The following ACSM2B variants were observed in gnomAD, a reference collection of about 807,000 sequenced individuals.
The protein encoded by ACSM2B is acyl-CoA synthetase medium chain family member 2B.
Under a neutral mutation model 78.6 loss-of-function variants are expected in ACSM2B, and 58 were observed. The observed-to-expected ratio is 0.74, with a 90% CI of 0.60 to 0.92. ACSM2B has a LOEUF of 0.92. ACSM2B is among the 40% of genes least tolerant of loss of function. The pLI, the probability that ACSM2B is intolerant of heterozygous loss-of-function variation, is 0.00. For missense variants in ACSM2B, 688 were observed against 711.2 expected, an observed-to-expected ratio of 0.97 and a Z score of 0.37; for synonymous variants, 257 against 256.8, an observed-to-expected ratio of 1.00 and a Z score of -0.01.
chr16:20,556,668 C>A (rs2015484160), intron 3 of ACSM2B, among the ~76,000 whole-genome samples: 1 of 152,162 alleles, frequency 6.6e-6, no homozygotes, highest in Non-Finnish European at 1.5e-5. Flanking sequence ...GAAGCTTAAA[C>A]CACATGCCCG....
At chr16:20,571,599 T>TACAGTTTGG (rs1476456765) in intron 1 of ACSM2B, among the ~76,000 whole-genome samples, 4 of 148,508 alleles carry the variant, frequency 2.7e-5, no homozygotes, top group Non-Finnish European at 4.5e-5. Flanking sequence ...TGTTTTACGG[T>TACAGTTTGG]ACAGTTTAAA....
At chr16:20,554,133 C>A in intron 4 of ACSM2B, 2 of 736,470 alleles carry the variant, frequency 2.7e-6, no homozygotes, top group Non-Finnish European at 4.8e-6. Flanking sequence ...GTTATCAATG[C>A]AACCTTAAAC....
At position 20,536,839 on chromosome 16, in the gene ACSM2B, T is replaced by C. The variant is rs2014855923; in HGVS notation, c.*419A>G. The C allele has an allele frequency of 6.5e-6, 1 of 154,686 alleles. No homozygotes were observed. Among genetic ancestry groups the C allele is most frequent in the South Asian group, 2.1e-4 (1 of 4,856 alleles). 9.6% of individuals were successfully genotyped at this position (154,686 alleles called of 1,614,324 possible). A position where few individuals can be genotyped will look rare whatever the true frequency, so the allele number is the denominator to read the frequency against. On this transcript the variant is annotated 3_prime_UTR_variant, in exon 14 of 14. Transcript: ENST00000329697. ...GCTCTTTCTTCTTTCTCTTTCTCTC[T>C]TTATTTCTTTCCTTTCTTCTCTTTA...
intron 13 of ACSM2B, among the ~76,000 whole-genome samples, chr16:20,539,931 G>A (rs935831563): frequency 3.3e-5 from 5 of 152,206 alleles, no homozygotes; most frequent in African/African-American, 1.2e-4. Flanking sequence ...CCTGGGACTA[G>A]CCATAATGAA....
At chr16:20,560,012 AATACAC>A in intron 2 of ACSM2B, among the ~76,000 whole-genome samples, 1 of 151,026 alleles carries the variant, frequency 6.6e-6, no homozygotes, top group Non-Finnish European at 1.5e-5. Flanking sequence ...TTGTGGTAAA[AATACAC>A]ATAACATTTC....
At chr16:20,574,696 G>A (rs1040479091) in intron 1 of ACSM2B, 8 of 146,840 alleles carry the variant, frequency 5.4e-5, no homozygotes, top group African/African-American at 2.2e-4. Context: ...TGGCGAGGCT[G>A]TGCATGGTGA....
chr16:20,540,947 T>G (rs1197140771), intron 12 of ACSM2B, 174 bp from the exon 13 acceptor site: 5 of 996,562 alleles, frequency 5.0e-6, no homozygotes, highest in Non-Finnish European at 6.9e-6. Context: ...GTTCCAGCTC[T>G]CTCTGAAGTC....
intron 8 of ACSM2B, chr16:20,547,141 C>G (rs1430862564): frequency 2.9e-6 from 3 of 1,022,042 alleles, no homozygotes; most frequent in Admixed American, 8.5e-5. Context: ...TTCCCGCCAC[C>G]CACTGTGCTG....
chr16:20,564,880 A>G (rs749395674), intron 1 of ACSM2B, 27 bp from the exon 2 acceptor site: 370 of 1,581,084 alleles, frequency 2.3e-4, no homozygotes, highest in Middle Eastern at 1.4e-3. Flanking sequence ...AGACACAGGT[A>G]AGAGCTTCTT....
intron 6 of ACSM2B, among the ~76,000 whole-genome samples, 197 bp downstream of exon 6, chr16:20,551,947 T>C (rs140317284): frequency 1.3e-5 from 2 of 152,244 alleles, no homozygotes; most frequent in African/African-American, 2.4e-5. Flanking sequence ...CTTTTATCTA[T>C]ATATGTGCCT....
In ACSM2B at chr16:20,536,872, G is replaced by A. The variant is rs1319963736; in HGVS notation, c.*386C>T. The A allele has an allele frequency of 6.5e-6, 1 of 153,952 alleles. No homozygotes were observed. The allele number at this position is 153,952 out of a possible 1,614,324, so 9.5% of individuals were successfully genotyped here. A position where few individuals can be genotyped will look rare whatever the true frequency, so the allele number is the denominator to read the frequency against. ...TTTCCTTTCTTCTCTTTATTTTTCT[G>A]ATTCTCCCTTCAATTATTTTTCTTC... On this transcript the variant is annotated 3_prime_UTR_variant, in exon 14 of 14. Coordinates refer to ENST00000329697, the MANE Select transcript of ACSM2B (RefSeq NM_001105069.2).
chr16:20,560,933 C>T (rs1197501714), intron 2 of ACSM2B, among the ~76,000 whole-genome samples: 2 of 152,046 alleles, frequency 1.3e-5, no homozygotes, highest in Non-Finnish European at 2.9e-5. Flanking sequence ...AAGAACTTGG[C>T]TGCATTGTGT....
intron 9 of ACSM2B, among the ~76,000 whole-genome samples, chr16:20,545,857 T>C (rs1190151792): frequency 2.0e-5 from 3 of 152,148 alleles, no homozygotes; most frequent in African/African-American, 7.2e-5. Flanking sequence ...AAATTCTAGT[T>C]CTCAAAAAAC....
chr16:20,564,561 C>A, intron 2 of ACSM2B, 108 bp downstream of exon 2: 3 of 1,482,728 alleles, frequency 2.0e-6, no homozygotes, highest in African/African-American at 1.4e-5. Context: ...TAGCTTATTA[C>A]AGTGCCTTAC....
rs149127012 is a variant in ACSM2B, at chr16:20,551,882, A to G, written c.894+262T>C. On this transcript the variant is annotated intron_variant, in intron 6 of 13. Transcript: ENST00000329697. ...ATAGGTGACACCAGTGGAAGAGCCC[A>G]TTACATTTGTTGAGTGAACAAATGA... is the stretch of plus-strand genomic sequence containing the variant. Among the ~76,000 whole-genome samples, 1,081 of 152,292 alleles carry G rather than the reference A, an allele frequency of 7.1e-3. 16 individuals carry two copies. Among genetic ancestry groups the G allele is most frequent in the African/African-American group, 0.025 (1,051 of 41,554 alleles).
At chr16:20,550,592 GA>G (rs2015284024) in intron 6 of ACSM2B, among the ~76,000 whole-genome samples, 2 of 152,116 alleles carry the variant, frequency 1.3e-5, no homozygotes, top group South Asian at 4.1e-4. Flanking sequence ...ATTATTTGAA[GA>G]TAATTTCCTA....
intron 1 of ACSM2B, among the ~76,000 whole-genome samples, chr16:20,570,881 G>A (rs574208893): frequency 8.5e-4 from 129 of 151,800 alleles, no homozygotes; most frequent in African/African-American, 3.0e-3. Flanking sequence ...TAGTGCCTTG[G>A]ATGATCTTTT....
chr16:20,563,068 C>G (rs2015714405), intron 2 of ACSM2B, among the ~76,000 whole-genome samples: 1 of 152,150 alleles, frequency 6.6e-6, no homozygotes, highest in Non-Finnish European at 1.5e-5. Flanking sequence ...AAACCCTAGT[C>G]TCTGAGCTTT....
At chr16:20,569,992 A>G (rs571084118) in intron 1 of ACSM2B, among the ~76,000 whole-genome samples, 37 of 151,866 alleles carry the variant, frequency 2.4e-4, no homozygotes, top group Non-Finnish European at 4.9e-4. Flanking sequence ...GTATACAATC[A>G]TATTAACAGC....
Sources: gnomAD v4.1 joint callset for allele counts (sites outside exome capture counted in the v4.1 genomes callset) on GRCh38, gnomAD v4.1.1 for gene constraint, MANE v1.5 for transcripts, NCBI Gene and HGNC (gene_info 2026-07-23, HGNC 2026-07-21) for gene names.